Variants in PRDM14 observed in about 807,000 individuals in gnomAD.
The protein encoded by PRDM14 is PR domain zinc finger protein 14.
A neutral mutation model predicts 48.0 loss-of-function variants in PRDM14; 16 were observed. The ratio of observed to expected loss-of-function variants is 0.33; its 90% CI spans 0.23 to 0.51. The LOEUF (loss-of-function observed/expected upper bound fraction) is 0.51, where lower values mean the gene tolerates loss of function less well. Among genes scored for constraint, PRDM14 ranks in the 20% least tolerant of loss-of-function variants. PRDM14 has a pLI of 0.97. For synonymous variants in PRDM14, 264 were observed against 276.6 expected (o/e 0.95, Z 0.45); for missense variants, 566 against 719.6 (o/e 0.79, Z 2.44).
At chr8:70,060,106 A>AG (rs2131037965) in intron 5 of PRDM14, among the ~76,000 whole-genome samples, 1 of 151,098 alleles carries the variant, frequency 6.6e-6, no homozygotes, top group East Asian at 1.9e-4. Context: ...AAAAAAAAAA[A>AG]AAAGCATAAT....
intron 6 of PRDM14, among the ~76,000 whole-genome samples, chr8:70,056,184 T>C (rs1305431539): frequency 6.6e-6 from 1 of 152,216 alleles, no homozygotes; most frequent in East Asian, 1.9e-4. Context: ...AAGAGGTTAA[T>C]ATTTTGTTCA....
At chr8:70,067,782 C>T (rs573540315) in intron 4 of PRDM14, among the ~76,000 whole-genome samples, 1 of 151,912 alleles carries the variant, frequency 6.6e-6, no homozygotes, top group South Asian at 2.1e-4. Flanking sequence ...ACTAGCATAT[C>T]CCTAATATAT....
chr8:70,070,859 A>T (rs1737432197), intron 1 of PRDM14, among the ~76,000 whole-genome samples: 1 of 152,278 alleles, frequency 6.6e-6, no homozygotes, highest in South Asian at 2.1e-4. Flanking sequence ...CTTGAGATCA[A>T]TGAGCCCAAT....
chr8:70,063,967 C>T (rs753892512), intron 5 of PRDM14, among the ~76,000 whole-genome samples: 2 of 152,140 alleles, frequency 1.3e-5, no homozygotes, highest in Non-Finnish European at 2.9e-5. Flanking sequence ...TCTTCACCTA[C>T]ATTCCCACAC....
At chr8:70,063,326 C>T (rs1383509893) in intron 5 of PRDM14, among the ~76,000 whole-genome samples, 1 of 151,584 alleles carries the variant, frequency 6.6e-6, no homozygotes, top group East Asian at 2.0e-4. Context: ...CCCAGCTACT[C>T]GGGAGGCTGA....
intron 6 of PRDM14, among the ~76,000 whole-genome samples, chr8:70,056,575 G>A (rs975496847): frequency 2.6e-5 from 4 of 151,934 alleles, no homozygotes; most frequent in African/African-American, 9.7e-5. Flanking sequence ...TCTGCCTCCT[G>A]GGTTTAAGCA....
At chr8:70,068,659 T>C in intron 2 of PRDM14, 127 bp from the exon 3 acceptor site, 1 of 782,774 alleles carries the variant, frequency 1.3e-6, no homozygotes, top group Non-Finnish European at 2.1e-6. Flanking sequence ...TTGTTGTTTC[T>C]ATTTTTCCCT....
chr8:70,069,904 G>T lies in PRDM14; in HGVS notation c.-24-20C>A. 6.9e-7 allele frequency: 1 copy of T among 1,454,990 alleles called. No individual in the cohort carries two copies. The highest frequency in any genetic ancestry group is 2.4e-5 in the East Asian group (1 of 40,986). The allele number at this position is 1,454,990 out of a possible 1,614,324, so 90.1% of individuals were successfully genotyped here. A position where few individuals can be genotyped will look rare whatever the true frequency, so the allele number is the denominator to read the frequency against. On this transcript the variant is annotated intron_variant, in intron 1 of 7. Transcript: ENST00000276594. Reference sequence around the variant, plus strand: ...GCGGCTCTGCAGAAAAGCGGGCGCCGCTGAGGACACCGCGCGGGAGCTTCC... The same window carrying T: ...GCGGCTCTGCAGAAAAGCGGGCGCCTCTGAGGACACCGCGCGGGAGCTTCC...
At chr8:70,068,433 C>T in intron 3 of PRDM14, 46 bp from the exon 4 acceptor site, 2 of 1,614,072 alleles carry the variant, frequency 1.2e-6, no homozygotes, top group Non-Finnish European at 1.7e-6. Context: ...AGAGTTGACT[C>T]TGCATTAGTT....
In PRDM14 at chr8:70,053,840, C is replaced by T. The variant is rs566023050; in HGVS notation, c.1488+1460G>A. 2.0e-5 allele frequency among the ~76,000 whole-genome samples: 3 copies of T among 152,282 alleles called. No homozygotes were observed. In the South Asian group the frequency reaches 6.2e-4, roughly 32 times the overall value. On this transcript the variant is annotated intron_variant, in intron 7 of 7. Coordinates refer to ENST00000276594, the MANE Select transcript of PRDM14 (RefSeq NM_024504.4). ...AGCCTCTACTCCTTTTACGGCTTTA[C>T]TGTAAAAAGCGTAAATGACTCAGTG...
At chr8:70,059,146 G>C (rs1805529789) in intron 5 of PRDM14, among the ~76,000 whole-genome samples, 1 of 151,894 alleles carries the variant, frequency 6.6e-6, no homozygotes, top group Admixed American at 6.6e-5. Context: ...GTAGAAACAG[G>C]GTTTCATCAT....
intron 7 of PRDM14, 55 bp from the exon 8 acceptor site, chr8:70,052,359 CAACCAATTA>C (rs1320652135): frequency 2.1e-6 from 3 of 1,420,002 alleles, no homozygotes; most frequent in Non-Finnish European, 2.0e-6. Flanking sequence ...ACGAGCTGGA[CAACCAATTA>C]AACTAAGGGG....
At chr8:70,067,316 C>T (rs966902920) in intron 4 of PRDM14, among the ~76,000 whole-genome samples, 1 of 152,014 alleles carries the variant, frequency 6.6e-6, no homozygotes, top group South Asian at 2.1e-4. Flanking sequence ...GTCAGGAGTT[C>T]GAGACCAGCC....
chr8:70,064,039 T>C (rs1023229002), intron 5 of PRDM14, among the ~76,000 whole-genome samples: 2 of 152,038 alleles, frequency 1.3e-5, no homozygotes, highest in Non-Finnish European at 2.9e-5. Context: ...ACTCAACCTG[T>C]ATGCAGATAT....
Position 70,055,501 on chromosome 8 carries a change from ATT to A in PRDM14, c.1387-102_1387-101del, listed in dbSNP as rs1389133916. 6.7e-6 allele frequency: 4 copies of A among 598,562 alleles called. No homozygotes were observed. In the South Asian group the frequency reaches 8.3e-5, roughly 12 times the overall value. 37.1% of individuals were successfully genotyped at this position (598,562 alleles called of 1,614,324 possible). On this transcript the variant is annotated intron_variant, in intron 6 of 7. Transcript: ENST00000276594. ...GGGGTTAGAGAAGAACTCTTTTCCAATTTTTTTCTTTTTTTTTTTTTTGAGAC... is the reference window on the plus strand; with the variant it reads ...GGGGTTAGAGAAGAACTCTTTTCCAATTTTTCTTTTTTTTTTTTTTGAGAC...
At chr8:70,060,087 C>A (rs1312845750) in intron 5 of PRDM14, among the ~76,000 whole-genome samples, 2 of 121,272 alleles carry the variant, frequency 1.6e-5, no homozygotes, top group Non-Finnish European at 3.5e-5. Flanking sequence ...CAGCAAAACT[C>A]CATCTCAAAA....
chr8:70,062,260 C>T (rs923887721), intron 5 of PRDM14, among the ~76,000 whole-genome samples: 5 of 152,114 alleles, frequency 3.3e-5, no homozygotes, highest in African/African-American at 7.2e-5. Context: ...CATCATAAGC[C>T]CTCATTCTGT....
chr8:70,060,649 A>G (rs1372327238), intron 5 of PRDM14, among the ~76,000 whole-genome samples: 1 of 152,146 alleles, frequency 6.6e-6, no homozygotes, highest in Non-Finnish European at 1.5e-5. Flanking sequence ...TTGTTCCTTG[A>G]TATGTACTGT....
chr8:70,055,267 A>G (rs1805454089), intron 7 of PRDM14, 33 bp downstream of exon 7: 4 of 1,243,234 alleles, frequency 3.2e-6, no homozygotes, highest in Non-Finnish European at 4.7e-6. Context: ...AGCAGAGCTC[A>G]GGACACATCC....
Sources: allele counts gnomAD v4.1 joint callset (sites outside exome capture counted in the v4.1 genomes callset), GRCh38; gene constraint gnomAD v4.1.1; transcripts MANE v1.5; gene names NCBI Gene and HGNC (gene_info 2026-07-23, HGNC 2026-07-21).